The following BLNK variants were observed in gnomAD, a reference collection of about 807,000 sequenced individuals.
The protein encoded by BLNK is B cell linker.
A neutral mutation model predicts 73.5 loss-of-function variants in BLNK; 29 were observed. That is an observed-to-expected ratio of 0.39 (90% confidence interval 0.29 to 0.54). The LOEUF is 0.54. BLNK is among the 20% of genes least tolerant of loss of function. BLNK has a pLI of 0.61. For synonymous variants in BLNK, 176 were observed against 200.8 expected (o/e 0.88, Z 1.04); for missense variants, 460 against 562.8 (o/e 0.82, Z 1.85).
intron 16 of BLNK, among the ~76,000 whole-genome samples, chr10:96,195,566 C>A (rs2083444470): frequency 6.6e-6 from 1 of 152,142 alleles, no homozygotes; most frequent in South Asian, 2.1e-4. Context: ...TCCTAAAGGA[C>A]AAATACTGTG....
chr10:96,204,990 C>T (rs2083758293), intron 11 of BLNK: 1 of 321,226 alleles, frequency 3.1e-6, no homozygotes, highest in African/African-American at 2.1e-5. Context: ...GTGGCCTCCA[C>T]ACAGGTGGAG....
chr10:96,264,111 C>T (rs1378263018), intron 1 of BLNK, among the ~76,000 whole-genome samples: 7 of 152,244 alleles, frequency 4.6e-5, no homozygotes, highest in South Asian at 4.1e-4. Context: ...CCAGCATAAA[C>T]GTGGAATGAA....
chr10:96,224,783 C>T (rs1263877322), intron 5 of BLNK, among the ~76,000 whole-genome samples: 2 of 152,118 alleles, frequency 1.3e-5, no homozygotes, highest in African/African-American at 2.4e-5. Flanking sequence ...CTGCAACCTC[C>T]GCCTCCCAGG....
chr10:96,252,287 G>A (rs1206754556), intron 1 of BLNK, among the ~76,000 whole-genome samples: 2 of 152,084 alleles, frequency 1.3e-5, no homozygotes. Context: ...TCCTGACCTC[G>A]TGATCTGCCT....
chr10:96,271,519 G>A lies in BLNK; in HGVS notation c.-121C>T. Reference sequence around the variant, plus strand: ...TCAAGGGTTCCGGCCACTCAAGTCTGATTTCTGAGAGTGCAGGCTGCTGGC... The same window carrying A: ...TCAAGGGTTCCGGCCACTCAAGTCTAATTTCTGAGAGTGCAGGCTGCTGGC... On this transcript the variant is annotated 5_prime_UTR_variant, in exon 1 of 17. Coordinates refer to ENST00000224337, the MANE Select transcript of BLNK (RefSeq NM_013314.4). 9.6e-7 allele frequency: 1 copy of A among 1,037,876 alleles called. No individual in the cohort carries two copies. The highest frequency in any genetic ancestry group is 1.8e-5 in the Admixed American group (1 of 56,528). 64.3% of individuals were successfully genotyped at this position (1,037,876 alleles called of 1,614,324 possible).
chr10:96,213,363 A>G (rs1392589616), intron 8 of BLNK, among the ~76,000 whole-genome samples: 1 of 149,268 alleles, frequency 6.7e-6, no homozygotes, highest in Non-Finnish European at 1.5e-5. Flanking sequence ...TTAGGAAGCG[A>G]TTAGACTGAG....
At chr10:96,258,574 A>G (rs183809381) in intron 1 of BLNK, among the ~76,000 whole-genome samples, 162 of 152,210 alleles carry the variant, frequency 1.1e-3, no homozygotes, top group Non-Finnish European at 1.9e-3. Flanking sequence ...CCCCTTCCAC[A>G]TAAGGCTTGA....
chr10:96,231,556 A>G (rs587640991), intron 3 of BLNK, among the ~76,000 whole-genome samples: 360 of 152,084 alleles, frequency 2.4e-3, no homozygotes, highest in Non-Finnish European at 3.6e-3. Flanking sequence ...GCAAGGCCCC[A>G]TCTCTACAAA....
chr10:96,202,414 T>C (rs1373821718), intron 13 of BLNK, among the ~76,000 whole-genome samples: 1 of 152,186 alleles, frequency 6.6e-6, no homozygotes, highest in African/African-American at 2.4e-5. Context: ...ATTCTGGATC[T>C]ATTTTGAAGG....
At chr10:96,238,738 C>T (rs1420933001) in intron 3 of BLNK, 1 of 162,946 alleles carries the variant, frequency 6.1e-6, no homozygotes, top group Non-Finnish European at 1.3e-5. Flanking sequence ...AGTGTAAGAG[C>T]AGGGGAAACT....
chr10:96,225,762 C>T (rs1199961676), intron 5 of BLNK, among the ~76,000 whole-genome samples: 10 of 151,966 alleles, frequency 6.6e-5, no homozygotes, highest in Non-Finnish European at 1.5e-4. Flanking sequence ...ACTGCCTCAG[C>T]CTCCCTAGTA....
chr10:96,197,599 G>GA (rs1181986569), intron 15 of BLNK, among the ~76,000 whole-genome samples: 5 of 152,008 alleles, frequency 3.3e-5, no homozygotes, highest in East Asian at 3.9e-4. Flanking sequence ...AGTTGTCTAT[G>GA]AAAAAAAATG....
intron 11 of BLNK, chr10:96,204,874 G>T (rs2083754793): frequency 4.6e-6 from 2 of 436,156 alleles, no homozygotes; most frequent in African/African-American, 4.0e-5. Flanking sequence ...TGTACATAGA[G>T]ACTGAACCCA....
chr10:96,205,029 A>G (rs1554897114), intron 11 of BLNK: 1 of 280,460 alleles, frequency 3.6e-6, no homozygotes, highest in African/African-American at 2.2e-5. Flanking sequence ...TTGATTAGTC[A>G]TAAGACGTGG....
intron 6 of BLNK, among the ~76,000 whole-genome samples, chr10:96,219,674 A>C (rs1554900703): frequency 2.0e-5 from 3 of 152,208 alleles, no homozygotes; most frequent in African/African-American, 7.2e-5. Flanking sequence ...TTTTATCTGC[A>C]GTGTTTAGAA....
intron 16 of BLNK, 112 bp downstream of exon 16, chr10:96,196,796 A>G (rs2083477660): frequency 9.4e-7 from 1 of 1,064,262 alleles, no homozygotes; most frequent in Admixed American, 2.0e-5. Flanking sequence ...TGCAAGCATT[A>G]GAACAAGTAC....
intron 1 of BLNK, among the ~76,000 whole-genome samples, chr10:96,260,010 C>T (rs1040782798): frequency 6.6e-6 from 1 of 152,162 alleles, no homozygotes. Context: ...CCCTTCCCCT[C>T]TCTGACTTTA....
At chr10:96,231,025 A>G (rs1842480748) in intron 3 of BLNK, among the ~76,000 whole-genome samples, 191 bp from the exon 4 acceptor site, 1 of 152,198 alleles carries the variant, frequency 6.6e-6, no homozygotes. Context: ...TTAATTCTCA[A>G]AGCATAGAGA....
rs78678830 is a variant in BLNK, at chr10:96,214,739, A to G, written c.676+582T>C. 2.0e-4 allele frequency among the ~76,000 whole-genome samples: 30 copies of G among 152,240 alleles called. 1 individual carries two copies. The East Asian group carries it at 5.4e-3, about 27-fold the overall frequency. On this transcript the variant is annotated intron_variant, in intron 8 of 16. Coordinates refer to ENST00000224337, the MANE Select transcript of BLNK (RefSeq NM_013314.4). ...GTGTAGACTTGAGACATGAATCCAG[A>G]TTAATCGATGAACGCTACAGAAGTG...
Sources: allele counts gnomAD v4.1 joint callset (sites outside exome capture counted in the v4.1 genomes callset), GRCh38; gene constraint gnomAD v4.1.1; transcripts MANE v1.5; gene names NCBI Gene and HGNC (gene_info 2026-07-23, HGNC 2026-07-21).